Variants in TENM2 observed in about 807,000 individuals in gnomAD.
TENM2 encodes the protein teneurin transmembrane protein 2.
Under a neutral mutation model 245.2 loss-of-function variants are expected in TENM2, and 52 were observed. The ratio of observed to expected loss-of-function variants is 0.21; its 90% CI spans 0.17 to 0.27. The LOEUF is 0.27. TENM2 is among the 10% of genes least tolerant of loss of function. The pLI is 1.00. For synonymous variants in TENM2, 1,363 were observed against 1,438.9 expected, an observed-to-expected ratio of 0.95 and a Z score of 1.19; for missense variants, 3,046 against 3,666.8, an observed-to-expected ratio of 0.83 and a Z score of 4.37.
At chr5:168,207,674 A>G (rs904542741) in intron 19 of TENM2, among the ~76,000 whole-genome samples, 5 of 152,162 alleles carry the variant, frequency 3.3e-5, no homozygotes, top group Non-Finnish European at 5.9e-5. Flanking sequence ...TGTCTTGCTT[A>G]TGTCTTTTCT....
chr5:168,219,609 C>T (rs1018227322), intron 23 of TENM2, among the ~76,000 whole-genome samples: 3 of 152,040 alleles, frequency 2.0e-5, no homozygotes, highest in African/African-American at 7.2e-5. Flanking sequence ...GTGTCTGCTG[C>T]TGTAGGTACT....
At chr5:167,767,145 C>A (rs1396015646) in intron 2 of TENM2, among the ~76,000 whole-genome samples, 4 of 152,284 alleles carry the variant, frequency 2.6e-5, no homozygotes, top group Non-Finnish European at 5.9e-5. Flanking sequence ...ATGGAAGCAA[C>A]CCAAGTGTTG....
At chr5:167,409,125 A>T (rs1203061455) in intron 2 of TENM2, among the ~76,000 whole-genome samples, 10 of 151,970 alleles carry the variant, frequency 6.6e-5, no homozygotes, top group Non-Finnish European at 1.5e-4. Context: ...CATAAAAATG[A>T]ACTCAAGTCT....
intron 2 of TENM2, among the ~76,000 whole-genome samples, chr5:167,811,097 A>T (rs1766603397): frequency 6.6e-6 from 1 of 152,168 alleles, no homozygotes; most frequent in African/African-American, 2.4e-5. Flanking sequence ...CGCTGCAAGG[A>T]GGAAGTAGAC....
intron 2 of TENM2, among the ~76,000 whole-genome samples, chr5:167,832,466 A>C (rs1768587301): frequency 6.6e-6 from 1 of 152,244 alleles, no homozygotes; most frequent in Admixed American, 6.5e-5. Context: ...AAAGTATCAA[A>C]ATACAGAGCT....
intron 2 of TENM2, among the ~76,000 whole-genome samples, chr5:167,481,929 C>G (rs892260616): frequency 3.9e-5 from 6 of 152,136 alleles, no homozygotes; most frequent in Admixed American, 2.0e-4. Flanking sequence ...TGCAGCTTCG[C>G]CTGCAAAGTC....
At chr5:167,582,394 T>G (rs1775152146) in intron 2 of TENM2, among the ~76,000 whole-genome samples, 2 of 152,206 alleles carry the variant, frequency 1.3e-5, no homozygotes, top group African/African-American at 4.8e-5. Context: ...ATGTATATGT[T>G]TTATGTGTTT....
chr5:167,424,229 C>T (rs1323019306), intron 2 of TENM2, among the ~76,000 whole-genome samples: 1 of 151,946 alleles, frequency 6.6e-6, no homozygotes, highest in Non-Finnish European at 1.5e-5. Flanking sequence ...TTCTTCCGGC[C>T]CCGTTTACCC....
chr5:168,130,827 T>A (rs1181286513), intron 12 of TENM2, among the ~76,000 whole-genome samples: 1 of 151,960 alleles, frequency 6.6e-6, no homozygotes, highest in Non-Finnish European at 1.5e-5. Context: ...GAGGCAGAGA[T>A]TGCAGTGAGC....
intron 2 of TENM2, among the ~76,000 whole-genome samples, chr5:167,511,559 C>G (rs1209445500): frequency 6.6e-6 from 1 of 152,158 alleles, no homozygotes; most frequent in Non-Finnish European, 1.5e-5. Flanking sequence ...CTGCAATTAA[C>G]TAGGTTTGTG....
At chr5:167,838,634 C>G (rs1684591216) in intron 2 of TENM2, among the ~76,000 whole-genome samples, 1 of 152,168 alleles carries the variant, frequency 6.6e-6, no homozygotes, top group Admixed American at 6.5e-5. Context: ...CTCCTAAAAA[C>G]TCATATGATA....
intron 2 of TENM2, among the ~76,000 whole-genome samples, chr5:167,781,108 C>A (rs1002194734): frequency 6.6e-6 from 1 of 152,188 alleles, no homozygotes; most frequent in East Asian, 1.9e-4. Flanking sequence ...CTCAGGAGTT[C>A]AAGACCAGTC....
the TENM2 span, among the ~76,000 whole-genome samples, chr5:167,144,350 A>C: frequency 6.6e-6 from 1 of 152,182 alleles, no homozygotes; most frequent in African/African-American, 2.4e-5. Context: ...TGCACACTCT[A>C]GCTGTTATAT....
chr5:167,431,970 T>TGTGTGTATATATATATATACACAC (rs1554150945), intron 2 of TENM2, among the ~76,000 whole-genome samples: 1 of 135,530 alleles, frequency 7.4e-6, no homozygotes, highest in Non-Finnish European at 1.6e-5. Context: ...TGTATATATA[T>TGTGTGTATATATATATATACACAC]ATATATATGG....
the TENM2 span, among the ~76,000 whole-genome samples, chr5:167,030,872 G>T: frequency 6.6e-6 from 1 of 152,096 alleles, no homozygotes; most frequent in African/African-American, 2.4e-5. Flanking sequence ...CTCACTTTCT[G>T]CAGGGCTCAT....
At chr5:167,013,361 C>G in the TENM2 span, among the ~76,000 whole-genome samples, 9 of 152,172 alleles carry the variant, frequency 5.9e-5, no homozygotes, top group Non-Finnish European at 1.2e-4. Context: ...TGTAAAGACT[C>G]TAGGGAACAT....
chr5:167,010,055 G>T, the TENM2 span, among the ~76,000 whole-genome samples: 1 of 152,182 alleles, frequency 6.6e-6, no homozygotes, highest in Non-Finnish European at 1.5e-5. Context: ...TAAATAACGT[G>T]ACACGAGTAG....
chr5:167,791,714 C>T (rs1355539519), intron 2 of TENM2, among the ~76,000 whole-genome samples: 1 of 151,814 alleles, frequency 6.6e-6, no homozygotes, highest in East Asian at 1.9e-4. Flanking sequence ...TGAATCAAAC[C>T]TGTCTTGTAT....
chr5:167,031,634 G>C, the TENM2 span, among the ~76,000 whole-genome samples: 1 of 151,990 alleles, frequency 6.6e-6, no homozygotes, highest in Non-Finnish European at 1.5e-5. Flanking sequence ...GTGCCATCTC[G>C]GCTCACTGCA....
Sources: gnomAD v4.1 joint callset for allele counts (sites outside exome capture counted in the v4.1 genomes callset) on GRCh38, gnomAD v4.1.1 for gene constraint, MANE v1.5 for transcripts, NCBI Gene and HGNC (gene_info 2026-07-23, HGNC 2026-07-21) for gene names.